Variants in SNAP47 observed in about 807,000 individuals in gnomAD.
SNAP47 encodes the protein synaptosomal-associated protein 47.
A neutral mutation model predicts 31.4 loss-of-function variants in SNAP47; 20 were observed. The ratio of observed to expected loss-of-function variants is 0.64; its 90% CI spans 0.45 to 0.93. The LOEUF is 0.93. Among genes scored for constraint, SNAP47 ranks in the 40% least tolerant of loss-of-function variants. The pLI is 0.00. For synonymous variants in SNAP47, 194 were observed against 213.4 expected (o/e 0.91, Z 0.79); for missense variants, 492 against 528.5 (o/e 0.93, Z 0.68).
chr1:227,747,156 C>T (rs1314582039), intron 1 of SNAP47: 1 of 153,222 alleles, frequency 6.5e-6, no homozygotes, highest in East Asian at 1.9e-4. Flanking sequence ...GAAGGGAAAA[C>T]GCTTGTCTGC....
At chr1:227,753,415 G>A (rs1172925287) in intron 2 of SNAP47, among the ~76,000 whole-genome samples, 1 of 152,130 alleles carries the variant, frequency 6.6e-6, no homozygotes, top group Admixed American at 6.5e-5. Context: ...GCAGGTTCAC[G>A]GGGCATTCTT....
chr1:227,775,982 T>G, intron 4 of SNAP47: 1 of 1,258,080 alleles, frequency 7.9e-7, no homozygotes, highest in Non-Finnish European at 1.0e-6. Flanking sequence ...CTCACGGATG[T>G]GTTGGAGGAA....
At chr1:227,759,662 T>G in intron 3 of SNAP47, 177 bp downstream of exon 3, 1 of 746,042 alleles carries the variant, frequency 1.3e-6, no homozygotes, top group South Asian at 1.9e-5. Flanking sequence ...ATTTTCCTTG[T>G]ACTTGACATC....
chr1:227,765,949 G>A (rs2102972606), intron 3 of SNAP47, among the ~76,000 whole-genome samples: 1 of 152,298 alleles, frequency 6.6e-6, no homozygotes, highest in South Asian at 2.1e-4. Context: ...GGGTGGGGTT[G>A]GAAGGTGAGC....
upstream of SNAP47, chr1:227,733,937 C>G (rs754427814): frequency 6.2e-7 from 1 of 1,613,886 alleles, no homozygotes; most frequent in East Asian, 2.2e-5. Context: ...GTAGACAAAG[C>G]GGTAGTCATC....
At chr1:227,757,477 G>T (rs1397920713) in intron 2 of SNAP47, among the ~76,000 whole-genome samples, 1 of 152,228 alleles carries the variant, frequency 6.6e-6, no homozygotes, top group African/African-American at 2.4e-5. Context: ...CCAAACGCCA[G>T]TCAGCAAACT....
chr1:227,776,467 C>T lies in SNAP47; in HGVS notation c.1114-4060C>T. 3.0e-6 allele frequency: 3 copies of T among 985,950 alleles called. No individual in the cohort carries two copies. The South Asian group carries it at 1.4e-4, about 46-fold the overall frequency. 61.1% of individuals were successfully genotyped at this position (985,950 alleles called of 1,614,324 possible). ...CAAGGAAGTCTGATTTGCGCCTCGCCTCTGACTCAGAGCCCATGAAGGTTC... is the reference window on the plus strand; with the variant it reads ...CAAGGAAGTCTGATTTGCGCCTCGCTTCTGACTCAGAGCCCATGAAGGTTC... On this transcript the variant is annotated intron_variant, in intron 4 of 4. Coordinates refer to ENST00000617596, the MANE Select transcript of SNAP47 (RefSeq NM_053052.4).
At chr1:227,737,313 G>A (rs1284792664) in intron 1 of SNAP47, among the ~76,000 whole-genome samples, 8 of 152,216 alleles carry the variant, frequency 5.3e-5, no homozygotes, top group Non-Finnish European at 7.3e-5. Context: ...TTTCCCAGGC[G>A]TCTTGACAGG....
chr1:227,745,411 T>C lies in SNAP47; in HGVS notation c.-45-2281T>C, dbSNP rs188992818. 1.8e-3 allele frequency among the ~76,000 whole-genome samples: 268 copies of C among 152,368 alleles called. 1 individual carries two copies. The highest frequency in any genetic ancestry group is 3.4e-3 in the Non-Finnish European group (228 of 68,038). Reference sequence around the variant, plus strand: ...AAATAAAATTTGTAGAAAGTCTTGATGTCCCCGAATAGAAACATCTTAGGG... The same window carrying C: ...AAATAAAATTTGTAGAAAGTCTTGACGTCCCCGAATAGAAACATCTTAGGG... On this transcript the variant is annotated intron_variant, in intron 1 of 4. Coordinates refer to ENST00000617596, the MANE Select transcript of SNAP47 (RefSeq NM_053052.4).
intron 4 of SNAP47, chr1:227,776,933 G>A (rs1009256098): frequency 3.5e-5 from 34 of 985,228 alleles, no homozygotes; most frequent in Non-Finnish European, 4.1e-5. Flanking sequence ...CCTTTATTTT[G>A]TCTGTGTACA....
In SNAP47 at chr1:227,780,513, G is replaced by A; in HGVS notation, c.1114-14G>A. 3 of 1,613,668 alleles carry A rather than the reference G, an allele frequency of 1.9e-6. No homozygotes were observed. Among genetic ancestry groups the A allele is most frequent in the East Asian group, 2.2e-5 (1 of 44,890 alleles). ...AGATGGCAGCCTCTGCTGTGATCTT[G>A]TGCTTCTCCCCAGATCCTGAGGAGG... On this transcript the variant is annotated splice_polypyrimidine_tract_variant and intron_variant, in intron 4 of 4. Coordinates refer to ENST00000617596, the MANE Select transcript of SNAP47 (RefSeq NM_053052.4).
At chr1:227,771,650 CCCCG>C (rs1663814789) in intron 4 of SNAP47, among the ~76,000 whole-genome samples, 1 of 140,676 alleles carries the variant, frequency 7.1e-6, no homozygotes, top group African/African-American at 2.7e-5. Context: ...CCTCTGTGCA[CCCCG>C]CCCACCCCCA....
chr1:227,763,347 C>T lies in SNAP47; in HGVS notation c.989-3612C>T, dbSNP rs979531586. On this transcript the variant is annotated intron_variant, in intron 3 of 4. Transcript: ENST00000617596. The surrounding 1 kb of genome is among the most constrained non-coding windows in gnomAD (Gnocchi z 4.2). ...GTAAGGCCTGCCTGGGCTTCCAGCTCCCTGATGACAGCCTTGCCTGTACCT... is the reference window on the plus strand; with the variant it reads ...GTAAGGCCTGCCTGGGCTTCCAGCTTCCTGATGACAGCCTTGCCTGTACCT... Among the ~76,000 whole-genome samples, 1 of 152,206 alleles carries T rather than the reference C, an allele frequency of 6.6e-6. No homozygotes were observed. The highest frequency in any genetic ancestry group is 1.5e-5 in the Non-Finnish European group (1 of 68,042).
At chr1:227,743,285 A>G (rs1421280470) in intron 1 of SNAP47, among the ~76,000 whole-genome samples, 2 of 152,134 alleles carry the variant, frequency 1.3e-5, no homozygotes, top group African/African-American at 4.8e-5. Context: ...CCCACCTGTC[A>G]GGCCCTCCCC....
In SNAP47 at chr1:227,776,252, C is replaced by T. The variant is rs140843925; in HGVS notation, c.1114-4275C>T. 1.3e-3 allele frequency: 1,367 copies of T among 1,040,762 alleles called. 10 individuals carry two copies. The South Asian group carries it at 0.022, about 17-fold the overall frequency. The allele number at this position is 1,040,762 out of a possible 1,614,324, so 64.5% of individuals were successfully genotyped here. A position where few individuals can be genotyped will look rare whatever the true frequency, so the allele number is the denominator to read the frequency against. ...AGGAACACTTCTATCAGGTCTGGCT[C>T]GCAGGCATGCCCCAGGGCCAGCCTG... On this transcript the variant is annotated intron_variant, in intron 4 of 4. Coordinates refer to ENST00000617596, the MANE Select transcript of SNAP47 (RefSeq NM_053052.4).
At chr1:227,761,696 T>C (rs1257876099) in intron 3 of SNAP47, among the ~76,000 whole-genome samples, 1 of 152,056 alleles carries the variant, frequency 6.6e-6, no homozygotes, top group Non-Finnish European at 1.5e-5. Context: ...GGACTGGTGG[T>C]GTGGGGACTG....
chr1:227,735,045 TCCCCGCGGGCG>T, upstream of SNAP47: 1 of 1,552,460 alleles, frequency 6.4e-7, no homozygotes, highest in Non-Finnish European at 8.7e-7. Context: ...AAGTCGGGCC[TCCCCGCGGGCG>T]TCACCCAGCG....
chr1:227,730,944 A>C (rs1571956031), upstream of SNAP47: 4 of 152,406 alleles, frequency 2.6e-5, no homozygotes, highest in African/African-American at 9.6e-5. Flanking sequence ...GCCCAAGCTC[A>C]GAGGTTACCG....
chr1:227,777,691 G>A (rs1209611634), intron 4 of SNAP47, among the ~76,000 whole-genome samples: 3 of 152,164 alleles, frequency 2.0e-5, no homozygotes, highest in African/African-American at 7.2e-5. Flanking sequence ...TTGAACATCT[G>A]GGTCAGGGTT....
Sources: allele counts gnomAD v4.1 joint callset (sites outside exome capture counted in the v4.1 genomes callset), GRCh38; gene constraint gnomAD v4.1.1; non-coding constraint Gnocchi (gnomAD v3.1); transcripts MANE v1.5; gene names NCBI Gene and HGNC (gene_info 2026-07-23, HGNC 2026-07-21).